The following KDM4C variants were observed in gnomAD, a reference collection of about 807,000 sequenced individuals.
The protein encoded by KDM4C is lysine demethylase 4C.
KDM4C carries 81 observed loss-of-function variants against 129.3 expected under a neutral mutation model. That is an observed-to-expected ratio of 0.63 (90% CI 0.52 to 0.75). The LOEUF is 0.75. KDM4C is among the 30% of genes least tolerant of loss of function. The pLI is 0.00. For synonymous variants in KDM4C, 573 were observed against 456.1 expected, an observed-to-expected ratio of 1.26 and a Z score of -3.26; for missense variants, 1,457 against 1,304.0, an observed-to-expected ratio of 1.12 and a Z score of -1.81.
At chr9:7,076,574 G>A (rs1833945356) in intron 17 of KDM4C, 1 of 1,507,764 alleles carries the variant, frequency 6.6e-7, no homozygotes, top group Non-Finnish European at 8.9e-7. Context: ...CTCCATGGGA[G>A]CAGCCAGCAT....
At chr9:6,839,673 G>T (rs111360729) in intron 4 of KDM4C, among the ~76,000 whole-genome samples, 2 of 152,028 alleles carry the variant, frequency 1.3e-5, no homozygotes, top group African/African-American at 4.8e-5. Flanking sequence ...TTTGGAGGCC[G>T]AGGCAGGAGG....
intron 5 of KDM4C, among the ~76,000 whole-genome samples, chr9:6,857,791 G>C (rs915280943): frequency 3.4e-5 from 5 of 146,212 alleles, no homozygotes; most frequent in Non-Finnish European, 6.0e-5. Context: ...GTCTCGCTCT[G>C]TTGCTCAGAT....
chr9:7,165,405 T>G (rs1844276765), intron 20 of KDM4C, 48 bp downstream of exon 20: 3 of 1,595,678 alleles, frequency 1.9e-6, no homozygotes, highest in African/African-American at 1.3e-5. Flanking sequence ...ACATGATAAG[T>G]CAGAAGGAGA....
intron 18 of KDM4C, among the ~76,000 whole-genome samples, chr9:7,112,327 T>A (rs1400778751): frequency 2.0e-5 from 3 of 151,996 alleles, no homozygotes; most frequent in African/African-American, 7.3e-5. Flanking sequence ...GGAAGCTCAA[T>A]CTTGAGGCCA....
At chr9:6,721,845 C>T (rs1174661111) in intron 1 of KDM4C, among the ~76,000 whole-genome samples, 2 of 152,046 alleles carry the variant, frequency 1.3e-5, no homozygotes, top group Non-Finnish European at 2.9e-5. Flanking sequence ...ACCTTGGCCT[C>T]CCAAAGTGCT....
intron 17 of KDM4C, among the ~76,000 whole-genome samples, chr9:7,052,446 G>A (rs1323795968): frequency 6.6e-6 from 1 of 152,218 alleles, no homozygotes; most frequent in Non-Finnish European, 1.5e-5. Flanking sequence ...TATAATGACT[G>A]TGGCTGGAGG....
At chr9:6,778,100 T>C (rs569389398) in intron 1 of KDM4C, among the ~76,000 whole-genome samples, 1 of 150,874 alleles carries the variant, frequency 6.6e-6, no homozygotes, top group African/African-American at 2.4e-5. Context: ...TTCTTTTTTT[T>C]TTTTTTTGAG....
chr9:7,068,682 C>CTCTCTTTTTTTTTTTTT (rs1491581614), intron 17 of KDM4C, among the ~76,000 whole-genome samples: 1 of 88,534 alleles, frequency 1.1e-5, no homozygotes, highest in African/African-American at 4.5e-5. Flanking sequence ...TTATGATGCC[C>CTCTCTTTTTTTTTTTTT]TTTCTTTTTT....
intron 8 of KDM4C, among the ~76,000 whole-genome samples, chr9:6,895,969 G>C (rs1021591609): frequency 6.6e-6 from 1 of 151,960 alleles, no homozygotes; most frequent in Non-Finnish European, 1.5e-5. Flanking sequence ...TTTTTACCCA[G>C]ATTTTGGTAT....
intron 18 of KDM4C, chr9:7,105,377 T>G (rs1169547113): frequency 3.7e-5 from 17 of 462,444 alleles, no homozygotes; most frequent in South Asian, 2.7e-4. Context: ...AAACATGGTA[T>G]CCCACCTCAC....
chr9:7,014,337 T>C (rs2132170006), intron 14 of KDM4C: 1 of 189,968 alleles, frequency 5.3e-6, no homozygotes. Flanking sequence ...TTTGAAAGTC[T>C]GATACTGATT....
chr9:7,051,820 T>G (rs1358171125), intron 17 of KDM4C, among the ~76,000 whole-genome samples: 1 of 152,198 alleles, frequency 6.6e-6, no homozygotes, highest in African/African-American at 2.4e-5. Context: ...TCACTTGTCT[T>G]GCCATGTAGT....
chr9:7,164,350 T>TAAAAAAAAAAAAAA (rs113564814), intron 19 of KDM4C, among the ~76,000 whole-genome samples: 6 of 148,342 alleles, frequency 4.0e-5, no homozygotes, highest in Admixed American at 6.6e-5. Flanking sequence ...TGCCACGCCT[T>TAAAAAAAAAAAAAA]AAAAAAACAA....
chr9:6,788,085 T>C (rs13297144), intron 1 of KDM4C, among the ~76,000 whole-genome samples: 31,324 of 152,134 alleles, frequency 0.21, 4,111 homozygotes, highest in Non-Finnish European at 0.3. Context: ...CAGATATCTG[T>C]ATGATTAATT....
chr9:7,149,826 TC>T (rs1842567718), intron 19 of KDM4C, among the ~76,000 whole-genome samples: 1 of 152,182 alleles, frequency 6.6e-6, no homozygotes, highest in Admixed American at 6.5e-5. Context: ...TCACCCTACA[TC>T]TTCCATACCT....
At chr9:7,038,648 T>C (rs570771452) in intron 15 of KDM4C, among the ~76,000 whole-genome samples, 51 of 152,202 alleles carry the variant, frequency 3.4e-4, no homozygotes, top group Admixed American at 2.0e-3. Flanking sequence ...CGTTATATAG[T>C]CCTTCTCCAT....
At chr9:6,772,659 CACAGATTATTTTCTTTGATTTT>C (rs1822121379) in intron 1 of KDM4C, among the ~76,000 whole-genome samples, 4 of 150,714 alleles carry the variant, frequency 2.7e-5, no homozygotes, top group African/African-American at 4.9e-5. Context: ...CTGCGCCTGG[CACAGATTATTTTCTTTGATTTT>C]TTTTCTTTTA....
intron 17 of KDM4C, among the ~76,000 whole-genome samples, chr9:7,087,979 A>C (rs1272116920): frequency 6.6e-6 from 1 of 152,236 alleles, no homozygotes; most frequent in Non-Finnish European, 1.5e-5. Context: ...GTGGCTTTGC[A>C]CTAGAATTGC....
chr9:6,851,577 T>C (rs894957487), intron 5 of KDM4C, among the ~76,000 whole-genome samples: 1 of 152,204 alleles, frequency 6.6e-6, no homozygotes, highest in Non-Finnish European at 1.5e-5. Context: ...ACATACTATG[T>C]CTTGCTTAAG....
Sources: gnomAD v4.1 joint callset for allele counts (sites outside exome capture counted in the v4.1 genomes callset) on GRCh38, gnomAD v4.1.1 for gene constraint, MANE v1.5 for transcripts, NCBI Gene and HGNC (gene_info 2026-07-23, HGNC 2026-07-21) for gene names.